Variants in ZNF75A observed in about 807,000 individuals in gnomAD.
ZNF75A encodes zinc finger protein 75A.
A neutral mutation model predicts 46.3 loss-of-function variants in ZNF75A; 36 were observed. The ratio of observed to expected loss-of-function variants is 0.78; its 90% CI spans 0.60 to 1.03. ZNF75A has a LOEUF of 1.03. Ranked by LOEUF, ZNF75A falls within the 50% of genes least tolerant of loss-of-function variation. The pLI is 0.00. For synonymous variants in ZNF75A, 234 were observed against 189.9 expected (o/e 1.23, Z -1.91); for missense variants, 595 against 551.3 (o/e 1.08, Z -0.79).
chr16:3,316,669 AT>A (rs1189364109), intron 5 of ZNF75A: 2 of 318,350 alleles, frequency 6.3e-6, no homozygotes, highest in Admixed American at 4.6e-5. Flanking sequence ...CATGTACTGG[AT>A]TCCCATTCCC....
intron 1 of ZNF75A, chr16:3,306,199 C>T (rs1055808057): frequency 6.6e-6 from 1 of 152,156 alleles, no homozygotes; most frequent in African/African-American, 2.4e-5. Context: ...CTCTCCTCAG[C>T]CCCCCTTAGA....
At chr16:3,307,465 G>C (rs1483353198) in intron 1 of ZNF75A, 1 of 152,094 alleles carries the variant, frequency 6.6e-6, no homozygotes, top group Non-Finnish European at 1.5e-5. Context: ...CAGCTCTTTT[G>C]CCAGTATTCC....
At chr16:3,323,403 C>T, downstream of ZNF75A, 1 of 800,652 alleles carries the variant, frequency 1.2e-6, no homozygotes, top group Admixed American at 1.7e-5. Context: ...CCCAGGTGCT[C>T]CTCAATCACT....
intron 5 of ZNF75A, chr16:3,315,154 A>G (rs1479608934): frequency 1.3e-6 from 1 of 768,504 alleles, no homozygotes; most frequent in Non-Finnish European, 1.6e-6. Flanking sequence ...CATCAGCATT[A>G]TCCAGTTGCT....
chr16:3,315,473 G>A (rs1040268357), intron 5 of ZNF75A, among the ~76,000 whole-genome samples: 10 of 152,064 alleles, frequency 6.6e-5, no homozygotes, highest in African/African-American at 2.4e-4. Flanking sequence ...GGGATTATAG[G>A]CGTGAGCCAC....
In ZNF75A at chr16:3,310,075, C is replaced by T. The variant is rs544549347; in HGVS notation, c.408+1239C>T. ...CAGCATTGTACTCTGGCCTGGGCAA[C>T]AGAGTGAGACCTTGTCTCTTAAAAA... On this transcript the variant is annotated intron_variant, in intron 2 of 6. Transcript: ENST00000669516. Among the ~76,000 whole-genome samples, 7 of 151,862 alleles carry T rather than the reference C, an allele frequency of 4.6e-5. 1 individual carries two copies. Among genetic ancestry groups the T allele is most frequent in the Admixed American group, 1.3e-4 (2 of 15,236 alleles).
intron 2 of ZNF75A, among the ~76,000 whole-genome samples, chr16:3,310,255 A>G (rs187529178): frequency 6.6e-6 from 1 of 152,232 alleles, no homozygotes; most frequent in East Asian, 1.9e-4. Flanking sequence ...CTAGCTGAGC[A>G]TGGTGGCGTG....
At position 3,308,851 on chromosome 16, in the gene ZNF75A, TC is replaced by T; in HGVS notation, c.408+17del. ...CATGGAATGGGGTGAGAAGAAAGAT[TC>T]CTGACATGTACAGTGAAATAGGATG... On this transcript the variant is annotated intron_variant, in intron 2 of 6. Transcript: ENST00000669516. 1.0e-6 allele frequency: 1 copy of T among 985,702 alleles called. No individual in the cohort carries two copies. The highest frequency in any genetic ancestry group is 1.2e-6 in the Non-Finnish European group (1 of 829,940). The allele number at this position is 985,702 out of a possible 1,614,324, so 61.1% of individuals were successfully genotyped here. A position where few individuals can be genotyped will look rare whatever the true frequency, so the allele number is the denominator to read the frequency against.
downstream of ZNF75A, among the ~76,000 whole-genome samples, chr16:3,320,558 C>T (rs1282946096): frequency 3.3e-5 from 5 of 152,194 alleles, no homozygotes; most frequent in African/African-American, 1.2e-4. Context: ...ACATTGCTGT[C>T]TTGGACAAAT....
At chr16:3,312,846 G>C in intron 4 of ZNF75A, 78 bp downstream of exon 4, 3 of 1,198,948 alleles carry the variant, frequency 2.5e-6, no homozygotes, top group Non-Finnish European at 3.3e-6. Context: ...GGGGTTCAGA[G>C]GTGTGTTAGT....
Position 3,318,625 on chromosome 16 carries a change from C to T in ZNF75A, c.*756C>T, listed in dbSNP as rs1961402292. The T allele has an allele frequency of 2.0e-6, 2 of 985,420 alleles. No homozygotes were observed. Among genetic ancestry groups the T allele is most frequent in the Non-Finnish European group, 1.2e-6 (1 of 829,924 alleles). 61.0% of individuals were successfully genotyped at this position (985,420 alleles called of 1,614,324 possible). A position where few individuals can be genotyped will look rare whatever the true frequency, so the allele number is the denominator to read the frequency against. On this transcript the variant is annotated 3_prime_UTR_variant, in exon 7 of 7. Coordinates refer to ENST00000669516, the MANE Select transcript of ZNF75A (RefSeq NM_001302109.2). ...GATAAAGCAGCTATAAAAATTAGTA[C>T]TTGCCCAAGGCCTGAAAGAGAATTA... is the stretch of plus-strand genomic sequence containing the variant.
chr16:3,314,676 T>G, intron 5 of ZNF75A: 1 of 985,218 alleles, frequency 1.0e-6, no homozygotes, highest in East Asian at 1.1e-4. Context: ...TGGCCTACCA[T>G]GCAGTTCATA....
At position 3,311,767 on chromosome 16, in the gene ZNF75A, G is replaced by C; in HGVS notation, c.423G>C (p.Glu141Asp). ...ATTATTTCTAGGTTGCAGTCCATGAGCTGGGAAAGGAGGCAGTGCTCTTGG... is the reference window on the plus strand; with the variant it reads ...ATTATTTCTAGGTTGCAGTCCATGACCTGGGAAAGGAGGCAGTGCTCTTGG... ...GQTWNGVAVH[E>D]LGKEAVLLGE... Residue 141 changes from glutamate to aspartate, a missense_variant, in exon 3 of 7, where the codon GAG becomes GAC. Glu to Asp is a conservative substitution (Grantham distance 45, BLOSUM62 2). Transcript: ENST00000669516. 9.5e-7 allele frequency: 1 copy of C among 1,050,460 alleles called. No individual in the cohort carries two copies. Among genetic ancestry groups the C allele is most frequent in the South Asian group, 3.4e-5 (1 of 29,062 alleles). 65.1% of individuals were successfully genotyped at this position (1,050,460 alleles called of 1,614,324 possible). A position where few individuals can be genotyped will look rare whatever the true frequency, so the allele number is the denominator to read the frequency against.
At chr16:3,321,868 A>C (rs554017016), downstream of ZNF75A, among the ~76,000 whole-genome samples, 2 of 152,354 alleles carry the variant, frequency 1.3e-5, no homozygotes, top group Admixed American at 6.5e-5. Flanking sequence ...TTTTGGAACT[A>C]CTGAGAACAG....
intron 1 of ZNF75A, chr16:3,306,619 G>A (rs1026539425): frequency 3.3e-5 from 5 of 152,198 alleles, no homozygotes; most frequent in African/African-American, 1.2e-4. Context: ...GGCTGAGGCA[G>A]GAGAATGGCT....
chr16:3,311,310 T>TA (rs1319488568), intron 2 of ZNF75A, among the ~76,000 whole-genome samples: 15 of 151,882 alleles, frequency 9.9e-5, no homozygotes, highest in Non-Finnish European at 1.5e-5. Flanking sequence ...TGGTGGTGCA[T>TA]ACCTGTAATC....
chr16:3,321,570 A>G (rs2029947545), downstream of ZNF75A, among the ~76,000 whole-genome samples: 1 of 152,126 alleles, frequency 6.6e-6, no homozygotes, highest in African/African-American at 2.4e-5. Context: ...GTCTCAAGCA[A>G]TCCTCCCACC....
At position 3,317,198 on chromosome 16, in the gene ZNF75A, C is replaced by A; in HGVS notation, c.943C>A (p.Leu315Ile). 2.5e-6 allele frequency: 4 copies of A among 1,610,098 alleles called. No individual in the cohort carries two copies. Among genetic ancestry groups the A allele is most frequent in the Non-Finnish European group, 3.4e-6 (4 of 1,178,142 alleles). The change falls in exon 7 of 7, where the codon CTC (leucine) becomes ATC (isoleucine). Residue 315 changes from leucine (L) to isoleucine (I), a missense_variant. Leu to Ile is a conservative substitution (Grantham distance 5). Transcript: ENST00000669516. ...TATGTTTATTCCAACAGGGTTAAAG[C>A]TCAAAAACGACACTGAAAATCATCA... ...SAGKSPTGLK[L>I]KNDTENHQPV...
chr16:3,316,873 A>G lies in ZNF75A; in HGVS notation c.824-39A>G, dbSNP rs144806636. The G allele has an allele frequency of 1.8e-3, 2,516 of 1,424,614 alleles. 32 individuals carry two copies. In the African/African-American group the frequency reaches 0.032, roughly 18 times the overall value. 88.2% of individuals were successfully genotyped at this position (1,424,614 alleles called of 1,614,324 possible). ...GGGATTAGTGGACCAGTTCACTGTT[A>G]AGTTACCAGTCCTTGACCTCATTTT... On this transcript the variant is annotated intron_variant, in intron 5 of 6. Coordinates refer to ENST00000669516, the MANE Select transcript of ZNF75A (RefSeq NM_001302109.2).
Sources: gnomAD v4.1 joint callset for allele counts (sites outside exome capture counted in the v4.1 genomes callset) on GRCh38, gnomAD v4.1.1 for gene constraint, MANE v1.5 for transcripts, NCBI Gene and HGNC (gene_info 2026-07-23, HGNC 2026-07-21) for gene names.